The following SCAPER variants were observed in gnomAD, a reference collection of about 807,000 sequenced individuals.
SCAPER encodes S-phase cyclin A associated protein in the ER.
Under a neutral mutation model 182.2 loss-of-function variants are expected in SCAPER, and 98 were observed. The ratio of observed to expected loss-of-function variants is 0.54; its 90% CI spans 0.46 to 0.64. SCAPER has a LOEUF of 0.64. Ranked by LOEUF, SCAPER falls within the 30% of genes least tolerant of loss-of-function variation. The pLI is 0.00. For missense variants in SCAPER, 1,432 were observed against 1,690.0 expected (o/e 0.85, Z 2.68); for synonymous variants, 605 against 564.6 (o/e 1.07, Z -1.01).
intron 2 of SCAPER, among the ~76,000 whole-genome samples, chr15:76,883,410 T>C (rs547679558): frequency 6.6e-6 from 1 of 152,326 alleles, no homozygotes; most frequent in African/African-American, 2.4e-5. Flanking sequence ...TCGGTCCCCA[T>C]ACCAGATTCA....
chr15:76,445,255 T>G (rs112493729), intron 25 of SCAPER, among the ~76,000 whole-genome samples: 71 of 152,338 alleles, frequency 4.7e-4, no homozygotes, highest in African/African-American at 1.6e-3. Flanking sequence ...ACTTTTTCAT[T>G]TGCTTTAAGC....
intron 26 of SCAPER, among the ~76,000 whole-genome samples, chr15:76,423,077 T>C (rs1166119389): frequency 6.6e-6 from 1 of 152,200 alleles, no homozygotes; most frequent in Non-Finnish European, 1.5e-5. Flanking sequence ...TGGTCTAAAA[T>C]TCTCTTTTTT....
intron 23 of SCAPER, among the ~76,000 whole-genome samples, chr15:76,572,503 T>A (rs561518045): frequency 6.6e-6 from 1 of 152,326 alleles, no homozygotes; most frequent in South Asian, 2.1e-4. Flanking sequence ...CTGCTTTCGA[T>A]TCCTCCAGAC....
At chr15:76,400,719 G>A (rs1316886205) in intron 27 of SCAPER, among the ~76,000 whole-genome samples, 1 of 152,108 alleles carries the variant, frequency 6.6e-6, no homozygotes, top group African/African-American at 2.4e-5. Context: ...CTTCTTTCTA[G>A]AATAATCTGT....
chr15:76,537,184 C>T (rs954928669), intron 23 of SCAPER, among the ~76,000 whole-genome samples: 16 of 150,900 alleles, frequency 1.1e-4, no homozygotes, highest in East Asian at 3.9e-4. Context: ...ATCAAGCTAC[C>T]GATGACTTTC....
chr15:76,556,475 T>C (rs2046206008), intron 23 of SCAPER, among the ~76,000 whole-genome samples: 1 of 152,100 alleles, frequency 6.6e-6, no homozygotes, highest in South Asian at 2.1e-4. Context: ...AATTGCTAGA[T>C]CACTAGCTAG....
chr15:76,403,376 T>C (rs1169822928), intron 27 of SCAPER, among the ~76,000 whole-genome samples: 1 of 152,232 alleles, frequency 6.6e-6, no homozygotes, highest in Admixed American at 6.5e-5. Context: ...CTTGAAACAC[T>C]GAACACAGGC....
chr15:76,742,086 G>C (rs979557774), intron 15 of SCAPER, among the ~76,000 whole-genome samples: 1 of 152,042 alleles, frequency 6.6e-6, no homozygotes, highest in African/African-American at 2.4e-5. Flanking sequence ...AGATAGTGCA[G>C]AAGTTTTCTA....
At chr15:76,807,575 C>A (rs1006024510) in intron 5 of SCAPER, among the ~76,000 whole-genome samples, 1 of 151,082 alleles carries the variant, frequency 6.6e-6, no homozygotes, top group African/African-American at 2.4e-5. Context: ...GGTACATGTG[C>A]ACATTGTGCA....
intron 25 of SCAPER, among the ~76,000 whole-genome samples, chr15:76,454,480 A>G (rs571946997): frequency 3.9e-5 from 6 of 152,262 alleles, no homozygotes; most frequent in Non-Finnish European, 7.4e-5. Context: ...CCTAGTAACC[A>G]TTATCATGAT....
At position 76,524,243 on chromosome 15, in the gene SCAPER, T is replaced by C. The variant is rs549144348; in HGVS notation, c.2839-19269A>G. On this transcript the variant is annotated intron_variant, in intron 23 of 31. Coordinates refer to ENST00000563290, the MANE Select transcript of SCAPER (RefSeq NM_020843.4). ...ATGCACGCAACATTTCTATGCTCTG[T>C]ATAGATGGCACTAGTCTACCCTGTG... Among the ~76,000 whole-genome samples, 4 of 152,258 alleles carry C rather than the reference T, an allele frequency of 2.6e-5. No homozygotes were observed. The East Asian group carries it at 7.7e-4, about 29-fold the overall frequency.
chr15:76,381,587 G>C lies in SCAPER; in HGVS notation c.3496C>G (p.Gln1166Glu), dbSNP rs138813553. 5,315 of 1,601,778 alleles carry C rather than the reference G, an allele frequency of 3.3e-3. 11 individuals carry two copies. The highest frequency in any genetic ancestry group is 4.1e-3 in the Non-Finnish European group (4,841 of 1,173,742). The part of the protein sequence containing the change: ...RSYSIFDNNR[Q>E]DPTGLTAALQ... ...GCAGCTGTCAGCCCTGTGGGATCCTGGCGATTATTGTCAAATATGCTGTAT... is the reference window on the plus strand; with the variant it reads ...GCAGCTGTCAGCCCTGTGGGATCCTCGCGATTATTGTCAAATATGCTGTAT... The change falls in exon 28 of 32, where the codon CAG becomes GAG. Residue 1166 changes from glutamine to glutamate, a missense_variant. Physicochemically the swap from Gln to Glu is conservative, Grantham distance 29 (BLOSUM62 2). Transcript: ENST00000563290.
At chr15:76,414,515 A>AT (rs1343047850) in intron 26 of SCAPER, among the ~76,000 whole-genome samples, 4 of 152,046 alleles carry the variant, frequency 2.6e-5, no homozygotes, top group Non-Finnish European at 1.5e-5. Flanking sequence ...ATGAAGGCTG[A>AT]TTTTTTATAA....
chr15:76,579,945 A>T (rs930573516), intron 22 of SCAPER, among the ~76,000 whole-genome samples: 1 of 152,194 alleles, frequency 6.6e-6, no homozygotes, highest in Non-Finnish European at 1.5e-5. Flanking sequence ...ATACAATAAT[A>T]AAAGGGTCAA....
chr15:76,754,313 C>A (rs1022778445), intron 14 of SCAPER, among the ~76,000 whole-genome samples: 3 of 151,966 alleles, frequency 2.0e-5, no homozygotes, highest in Admixed American at 6.6e-5. Context: ...TGTACTGTTA[C>A]CATGAGTATG....
At chr15:76,805,503 C>T (rs950060357) in intron 5 of SCAPER, among the ~76,000 whole-genome samples, 3 of 150,940 alleles carry the variant, frequency 2.0e-5, no homozygotes, top group African/African-American at 7.3e-5. Flanking sequence ...TGCATTTCTC[C>T]GATGACTAAT....
intron 1 of SCAPER, among the ~76,000 whole-genome samples, chr15:76,897,762 T>C (rs1345612791): frequency 1.3e-5 from 2 of 152,198 alleles, no homozygotes; most frequent in African/African-American, 4.8e-5. Flanking sequence ...CTGATTAACT[T>C]GAAATCCTTA....
chr15:76,663,398 G>A (rs142693919), intron 21 of SCAPER, among the ~76,000 whole-genome samples: 117 of 152,136 alleles, frequency 7.7e-4, no homozygotes, highest in African/African-American at 2.3e-3. Context: ...GGTATTTACC[G>A]AAGAGAAATA....
intron 26 of SCAPER, among the ~76,000 whole-genome samples, chr15:76,419,799 C>T (rs1425187557): frequency 1.3e-5 from 2 of 152,284 alleles, no homozygotes; most frequent in East Asian, 3.9e-4. Context: ...ATGAGGCCAG[C>T]ATTTCTCTGA....
Sources: allele counts gnomAD v4.1 joint callset (sites outside exome capture counted in the v4.1 genomes callset), GRCh38; gene constraint gnomAD v4.1.1; transcripts MANE v1.5; gene names NCBI Gene and HGNC (gene_info 2026-07-23, HGNC 2026-07-21).